TMPRSS11B: variants seen among roughly 807,000 people sequenced by gnomAD.
The protein encoded by TMPRSS11B is transmembrane serine protease 11B.
In TMPRSS11B, 53 loss-of-function variants were observed where a neutral mutation model predicts 44.7. The observed-to-expected ratio is 1.19, with a 90% CI of 0.95 to 1.49. TMPRSS11B has a LOEUF of 1.49. Ranked by LOEUF, TMPRSS11B falls within the 40% of genes most tolerant of loss-of-function variation. The probability of loss-of-function intolerance (pLI) is 0.00; values close to 1 mark genes in which losing one functional copy is unlikely to be tolerated. For missense variants in TMPRSS11B, 526 were observed against 494.8 expected (o/e 1.06, Z -0.60); for synonymous variants, 140 against 159.2 (o/e 0.88, Z 0.91).
At chr4:68,244,461 C>A (rs1035513217) in intron 1 of TMPRSS11B, among the ~76,000 whole-genome samples, 4 of 152,044 alleles carry the variant, frequency 2.6e-5, no homozygotes, top group Admixed American at 2.6e-4. Context: ...CCCATCTCTA[C>A]CAAAAAATAC....
rs376746923 is a variant in TMPRSS11B at position 68,232,460 on chromosome 4, C to G, written c.470-44G>C. 9.5e-6 allele frequency: 15 copies of G among 1,573,418 alleles called. No homozygotes were observed. In the African/African-American group the frequency reaches 1.9e-4, roughly 20 times the overall value. ...ACAAAATATAAAATTGAGCAAATAT[C>G]ACCAAGCAATTGACTTCAACCTAAG... On this transcript the variant is annotated intron_variant, in intron 5 of 9. Transcript: ENST00000332644.
chr4:68,228,936 A>G (rs1719430962), intron 8 of TMPRSS11B, 52 bp from the exon 9 acceptor site: 3 of 1,571,326 alleles, frequency 1.9e-6, no homozygotes, highest in Non-Finnish European at 2.6e-6. Context: ...TTGCTGGGAC[A>G]AAGAATATCT....
chr4:68,240,671 G>C (rs1410246722), intron 2 of TMPRSS11B, among the ~76,000 whole-genome samples: 1 of 152,132 alleles, frequency 6.6e-6, no homozygotes, highest in Non-Finnish European at 1.5e-5. Context: ...GAGGGAAAGA[G>C]AGGACAGAAA....
chr4:68,227,634 T>G lies in TMPRSS11B; in HGVS notation c.*277A>C, dbSNP rs1719390600. 1 of 158,996 alleles carries G rather than the reference T, an allele frequency of 6.3e-6. No individual in the cohort carries two copies. Among genetic ancestry groups the G allele is most frequent in the Non-Finnish European group, 1.4e-5 (1 of 73,240 alleles). The allele number at this position is 158,996 out of a possible 1,614,324, so 9.8% of individuals were successfully genotyped here. ...GTTTCCCAGGCTGCCCTCAAACTCC[T>G]GGGCTCAAGCAATCCGCCTATCTCG... On this transcript the variant is annotated 3_prime_UTR_variant, in exon 10 of 10. Coordinates refer to ENST00000332644, the MANE Select transcript of TMPRSS11B (RefSeq NM_182502.3).
Position 68,227,857 on chromosome 4 carries a change from A to G in TMPRSS11B, c.*54T>C. The stretch of plus-strand genomic sequence containing the variant: ...CAAAATAAAAAGATCCCAAAGCCAC[A>G]GATAAGGATAGCCTACAGTGGTCTT... On this transcript the variant is annotated 3_prime_UTR_variant, in exon 10 of 10. Transcript: ENST00000332644. 3 of 1,321,264 alleles carry G rather than the reference A, an allele frequency of 2.3e-6. No individual in the cohort carries two copies. Among genetic ancestry groups the G allele is most frequent in the South Asian group, 5.3e-5 (2 of 37,628 alleles). The allele number at this position is 1,321,264 out of a possible 1,614,324, so 81.8% of individuals were successfully genotyped here.
At chr4:68,230,389 C>T (rs143526861) in intron 7 of TMPRSS11B, among the ~76,000 whole-genome samples, 2 of 152,240 alleles carry the variant, frequency 1.3e-5, no homozygotes, top group East Asian at 1.9e-4. Flanking sequence ...TATACAGCCT[C>T]GTACTTTTAA....
At chr4:68,242,311 A>AATATATATATAATATTATATTAT (rs1560445588) in intron 1 of TMPRSS11B, among the ~76,000 whole-genome samples, 13 of 7,426 alleles carry the variant, frequency 1.8e-3, no homozygotes, top group South Asian at 8.9e-3. Context: ...TAATATATAT[A>AATATATATATAATATTATATTAT]ATATTATATA....
Position 68,245,481 on chromosome 4 carries a change from A to T in TMPRSS11B, c.8+70T>A, listed in dbSNP as rs1030400016. On this transcript the variant is annotated intron_variant, in intron 1 of 9. Coordinates refer to ENST00000332644, the MANE Select transcript of TMPRSS11B (RefSeq NM_182502.3). Reference sequence around the variant, plus strand: ...TTATAAAAACAGTCAATTAACAAAAAACTAGAACATACTTAATGGCAACTT... The same window carrying T: ...TTATAAAAACAGTCAATTAACAAAATACTAGAACATACTTAATGGCAACTT... The T allele has an allele frequency of 1.3e-5, 20 of 1,535,056 alleles. 1 individual carries two copies. In the South Asian group the frequency reaches 2.2e-4, roughly 17 times the overall value.
chr4:68,230,069 A>T (rs531254517), intron 7 of TMPRSS11B, among the ~76,000 whole-genome samples: 1 of 152,290 alleles, frequency 6.6e-6, no homozygotes, highest in African/African-American at 2.4e-5. Flanking sequence ...CTGCAACTGC[A>T]TCCATGTTCC....
At chr4:68,234,136 G>C (rs1177044810) in intron 5 of TMPRSS11B, among the ~76,000 whole-genome samples, 4 of 151,786 alleles carry the variant, frequency 2.6e-5, no homozygotes, top group African/African-American at 9.7e-5. Context: ...ACTCCAGCCT[G>C]GGCAACAGAG....
At chr4:68,236,571 T>A (rs1422839667) in intron 2 of TMPRSS11B, among the ~76,000 whole-genome samples, 1 of 152,136 alleles carries the variant, frequency 6.6e-6, no homozygotes, top group African/African-American at 2.4e-5. Context: ...TCCATATCAT[T>A]CATTCAATGA....
intron 7 of TMPRSS11B, 115 bp downstream of exon 7, chr4:68,231,088 G>T: frequency 1.2e-6 from 1 of 861,824 alleles, no homozygotes; most frequent in South Asian, 2.7e-5. Flanking sequence ...TGTTCTATGT[G>T]ATTGTAAATT....
chr4:68,227,880 C>G lies in TMPRSS11B; in HGVS notation c.*31G>C. Reference sequence around the variant, plus strand: ...ACAGATAAGGATAGCCTACAGTGGTCTTTATGTTCCTTTGTATAATTCCTT... The same window carrying G: ...ACAGATAAGGATAGCCTACAGTGGTGTTTATGTTCCTTTGTATAATTCCTT... On this transcript the variant is annotated 3_prime_UTR_variant, in exon 10 of 10. Transcript: ENST00000332644. The G allele has an allele frequency of 6.4e-7, 1 of 1,551,116 alleles. No individual in the cohort carries two copies. Among genetic ancestry groups the G allele is most frequent in the Non-Finnish European group, 8.7e-7 (1 of 1,152,388 alleles).
At chr4:68,232,213 G>A (rs1031684581) in intron 6 of TMPRSS11B, 165 bp downstream of exon 6, 3 of 460,742 alleles carry the variant, frequency 6.5e-6, no homozygotes, top group African/African-American at 6.2e-5. Context: ...TAATAGACCA[G>A]TGTTTTTCAA....
Position 68,241,688 on chromosome 4 carries a change from C to A in TMPRSS11B, c.124+1G>T. 2 of 1,595,818 alleles carry A rather than the reference C, an allele frequency of 1.3e-6. No individual in the cohort carries two copies. Among genetic ancestry groups the A allele is most frequent in the Non-Finnish European group, 1.7e-6 (2 of 1,164,040 alleles). On this transcript the variant is annotated splice_donor_variant, in intron 2 of 9. Transcript: ENST00000332644. LOFTEE classifies it high-confidence loss of function. Reference sequence around the variant, plus strand: ...GAAAACTGAAAATAATCAGTACTCACCAACTGCCAGAAAATGAACAAGAAG... The same window carrying A: ...GAAAACTGAAAATAATCAGTACTCAACAACTGCCAGAAAATGAACAAGAAG...
At position 68,231,188 on chromosome 4, in the gene TMPRSS11B, A is replaced by C; in HGVS notation, c.686+15T>G. ...GCACCTAGCATCCTTCATTTAGTCAAATTTTCAAACTTACTTAGCAAAGCA... is the reference window on the plus strand; with the variant it reads ...GCACCTAGCATCCTTCATTTAGTCACATTTTCAAACTTACTTAGCAAAGCA... On this transcript the variant is annotated intron_variant, in intron 7 of 9. Coordinates refer to ENST00000332644, the MANE Select transcript of TMPRSS11B (RefSeq NM_182502.3). The C allele has an allele frequency of 1.3e-6, 2 of 1,592,844 alleles. No homozygotes were observed. The highest frequency in any genetic ancestry group is 1.7e-6 in the Non-Finnish European group (2 of 1,169,292).
Position 68,235,986 on chromosome 4 carries a change from A to G in TMPRSS11B, c.308+16T>C, listed in dbSNP as rs761837223. On this transcript the variant is annotated intron_variant, in intron 4 of 9. Transcript: ENST00000332644. ...CTACTTTCCTTTCATAAAATCTTAA[A>G]TGAACTTGTACTTACAGAAGTTTGA... is the stretch of plus-strand genomic sequence containing the variant. The G allele has an allele frequency of 2.0e-6, 3 of 1,499,940 alleles. No individual in the cohort carries two copies. The highest frequency in any genetic ancestry group is 2.7e-6 in the Non-Finnish European group (3 of 1,112,586). The allele number at this position is 1,499,940 out of a possible 1,614,324, so 92.9% of individuals were successfully genotyped here.
intron 6 of TMPRSS11B, among the ~76,000 whole-genome samples, 173 bp from the exon 7 acceptor site, chr4:68,231,553 G>T (rs1719516531): frequency 2.0e-5 from 3 of 152,146 alleles, no homozygotes; most frequent in South Asian, 4.1e-4. Context: ...ATCTTGGTTT[G>T]AGTGGTTCTT....
chr4:68,241,659 G>T, intron 2 of TMPRSS11B, 30 bp downstream of exon 2: 1 of 1,320,272 alleles, frequency 7.6e-7, no homozygotes. Flanking sequence ...TTTATAGCAA[G>T]GATGAAAACT....
Sources: gnomAD v4.1 joint callset for allele counts (sites outside exome capture counted in the v4.1 genomes callset) on GRCh38, gnomAD v4.1.1 for gene constraint, MANE v1.5 for transcripts, NCBI Gene and HGNC (gene_info 2026-07-23, HGNC 2026-07-21) for gene names.